Variants in SV2C observed in about 807,000 individuals in gnomAD.
SV2C encodes the protein solute carrier family 22 member B3.
In SV2C, 49 loss-of-function variants were observed where a neutral mutation model predicts 79.7. The ratio of observed to expected loss-of-function variants is 0.61; its 90% CI spans 0.49 to 0.78. SV2C has a LOEUF of 0.78. Ranked by LOEUF, SV2C falls within the 30% of genes least tolerant of loss-of-function variation. The probability of loss-of-function intolerance (pLI) is 0.00; values close to 1 mark genes in which losing one functional copy is unlikely to be tolerated. For synonymous variants in SV2C, 334 were observed against 333.2 expected (o/e 1.00, Z -0.03); for missense variants, 833 against 912.9 (o/e 0.91, Z 1.13).
chr5:76,282,701 A>G (rs892296001), intron 4 of SV2C, among the ~76,000 whole-genome samples: 3 of 152,108 alleles, frequency 2.0e-5, no homozygotes, highest in African/African-American at 7.2e-5. Context: ...CTTTTCCTCC[A>G]CAATTGATTA....
chr5:75,900,470 G>A, the SV2C span, among the ~76,000 whole-genome samples: 1 of 152,066 alleles, frequency 6.6e-6, no homozygotes, highest in Non-Finnish European at 1.5e-5. Context: ...TGGGTAACCC[G>A]ACCTTTCTCT....
the SV2C span, among the ~76,000 whole-genome samples, chr5:75,993,591 C>T: frequency 6.6e-6 from 1 of 152,016 alleles, no homozygotes; most frequent in African/African-American, 2.4e-5. Flanking sequence ...GAAGGCACGT[C>T]CCCAAAATTG....
intron 4 of SV2C, among the ~76,000 whole-genome samples, chr5:76,243,976 G>A (rs991753944): frequency 6.6e-6 from 1 of 152,142 alleles, no homozygotes; most frequent in Non-Finnish European, 1.5e-5. Flanking sequence ...CACAGGGACC[G>A]CCCTCTCTCT....
chr5:76,080,738 G>C (rs1386229114), upstream of SV2C, among the ~76,000 whole-genome samples: 4 of 152,212 alleles, frequency 2.6e-5, no homozygotes, highest in Non-Finnish European at 5.9e-5. Flanking sequence ...AGGTGTAGGA[G>C]AGCAATGACT....
Position 76,195,028 on chromosome 5 carries a change from C to G in SV2C, c.690C>G (p.Phe230Leu), listed in dbSNP as rs202144317. ...SLLICMSVNG[F>L]FAFLSSFVQG... is the part of the protein sequence containing the mutation. ...TGATTTGCATGTCTGTCAACGGATTCTTTGCCTTCCTTTCTTCATTTGTCC... is the reference window on the plus strand; with the variant it reads ...TGATTTGCATGTCTGTCAACGGATTGTTTGCCTTCCTTTCTTCATTTGTCC... The change falls in exon 3 of 13, where the codon TTC (phenylalanine) becomes TTG (leucine). Residue 230 changes from phenylalanine (F) to leucine (L), a missense_variant. Physicochemically the swap from Phe to Leu is conservative, Grantham distance 22. Coordinates refer to ENST00000502798, the MANE Select transcript of SV2C (RefSeq NM_014979.4). 1 of 1,613,992 alleles carries G rather than the reference C, an allele frequency of 6.2e-7. No individual in the cohort carries two copies. The highest frequency in any genetic ancestry group is 8.5e-7 in the Non-Finnish European group (1 of 1,179,968).
chr5:75,957,970 T>G, the SV2C span, among the ~76,000 whole-genome samples: 1 of 152,124 alleles, frequency 6.6e-6, no homozygotes, highest in South Asian at 2.1e-4. Flanking sequence ...GTCAGATAAC[T>G]TGGAAGGCTA....
upstream of SV2C, among the ~76,000 whole-genome samples, chr5:76,082,709 T>C (rs1369714434): frequency 6.7e-6 from 1 of 149,362 alleles, no homozygotes; most frequent in Non-Finnish European, 1.5e-5. Flanking sequence ...CCCAGCTGTC[T>C]GGCCCTATGT....
At chr5:75,895,004 A>G in the SV2C span, among the ~76,000 whole-genome samples, 2 of 152,230 alleles carry the variant, frequency 1.3e-5, no homozygotes, top group African/African-American at 4.8e-5. Context: ...AGACTTATTG[A>G]TTTCATACAT....
chr5:76,209,639 A>G, intron 3 of SV2C, 97 bp from the exon 4 acceptor site: 1 of 1,193,506 alleles, frequency 8.4e-7, no homozygotes, highest in Non-Finnish European at 1.2e-6. Flanking sequence ...GATAGGGAGA[A>G]AGCATGTGTT....
chr5:75,942,622 A>T, the SV2C span, among the ~76,000 whole-genome samples: 8 of 152,194 alleles, frequency 5.3e-5, no homozygotes, highest in Admixed American at 4.6e-4. Flanking sequence ...CTAGACTCGA[A>T]TCTGTGTCCT....
chr5:76,123,503 G>A (rs1748605449), intron 1 of SV2C, among the ~76,000 whole-genome samples: 1 of 152,138 alleles, frequency 6.6e-6, no homozygotes. Context: ...ACCGAATCCA[G>A]CAGCACATCA....
At chr5:76,255,272 G>C (rs1746230244) in intron 4 of SV2C, among the ~76,000 whole-genome samples, 1 of 152,152 alleles carries the variant, frequency 6.6e-6, no homozygotes, top group African/African-American at 2.4e-5. Flanking sequence ...TATGTTTCTA[G>C]CTCACTCTTT....
At chr5:76,276,858 C>T (rs1302795777) in intron 4 of SV2C, among the ~76,000 whole-genome samples, 1 of 152,030 alleles carries the variant, frequency 6.6e-6, no homozygotes, top group Non-Finnish European at 1.5e-5. Context: ...TGTGAGCCAA[C>T]ACATCTGGCC....
intron 3 of SV2C, among the ~76,000 whole-genome samples, chr5:76,205,982 CCTA>C (rs1406251521): frequency 6.6e-6 from 1 of 152,112 alleles, no homozygotes; most frequent in African/African-American, 2.4e-5. Context: ...CTATTTAAGA[CCTA>C]CTGATACATG....
the SV2C span, among the ~76,000 whole-genome samples, chr5:76,049,694 T>C: frequency 2.6e-5 from 4 of 152,242 alleles, no homozygotes; most frequent in African/African-American, 9.6e-5. Context: ...TTGTAGGTTA[T>C]TGGGTTTTGG....
the SV2C span, among the ~76,000 whole-genome samples, chr5:75,987,027 C>T: frequency 6.6e-6 from 1 of 151,946 alleles, no homozygotes; most frequent in East Asian, 1.9e-4. Context: ...GACACAAACC[C>T]ACCATGCTCT....
At chr5:76,345,790 G>A (rs1749526779) in intron 12 of SV2C, among the ~76,000 whole-genome samples, 1 of 152,124 alleles carries the variant, frequency 6.6e-6, no homozygotes, top group Non-Finnish European at 1.5e-5. Context: ...AGAAGAACCT[G>A]AAGCACAGTG....
intron 1 of SV2C, among the ~76,000 whole-genome samples, chr5:76,110,078 G>C (rs1748050128): frequency 6.6e-6 from 1 of 152,200 alleles, no homozygotes; most frequent in Admixed American, 6.5e-5. Flanking sequence ...CCTAACAACT[G>C]TAAGTGGTGT....
chr5:75,942,498 GT>G, the SV2C span, among the ~76,000 whole-genome samples: 1 of 152,194 alleles, frequency 6.6e-6, no homozygotes, highest in Non-Finnish European at 1.5e-5. Flanking sequence ...AGACTGGGGT[GT>G]CCAGCACTGT....
Sources: allele counts gnomAD v4.1 joint callset (sites outside exome capture counted in the v4.1 genomes callset), GRCh38; gene constraint gnomAD v4.1.1; transcripts MANE v1.5; gene names NCBI Gene and HGNC (gene_info 2026-07-23, HGNC 2026-07-21).